The following RBM26 variants were observed in gnomAD, a reference collection of about 807,000 sequenced individuals.
The protein encoded by RBM26 is RNA binding motif protein 26, also known as RNA-binding protein 26.
Under a neutral mutation model 123.6 loss-of-function variants are expected in RBM26, and 30 were observed. The ratio of observed to expected loss-of-function variants is 0.24; its 90% CI spans 0.18 to 0.33. RBM26 has a LOEUF of 0.33. Ranked by LOEUF, RBM26 falls within the 10% of genes least tolerant of loss-of-function variation. RBM26 has a pLI of 1.00. For missense variants in RBM26, 947 were observed against 1,203.6 expected, an observed-to-expected ratio of 0.79 and a Z score of 3.15; for synonymous variants, 400 against 404.4, an observed-to-expected ratio of 0.99 and a Z score of 0.13.
intron 14 of RBM26, among the ~76,000 whole-genome samples, chr13:79,350,665 TTTA>T (rs370038501): frequency 3.2e-4 from 48 of 152,312 alleles, no homozygotes; most frequent in Admixed American, 1.2e-3. Context: ...CATTTGTGTA[TTTA>T]TTTAGTTTAA....
intron 4 of RBM26, among the ~76,000 whole-genome samples, chr13:79,371,582 C>T (rs2075885116): frequency 6.6e-6 from 1 of 151,702 alleles, no homozygotes; most frequent in Non-Finnish European, 1.5e-5. Flanking sequence ...AACACCCACA[C>T]ATTAAGATTC....
chr13:79,358,318 G>C lies in RBM26; in HGVS notation c.1645C>G (p.Leu549Val). 6.2e-7 allele frequency: 1 copy of C among 1,610,392 alleles called. No homozygotes were observed. Among genetic ancestry groups the C allele is most frequent in the Non-Finnish European group, 8.5e-7 (1 of 1,178,756 alleles). Reference protein sequence around the residue: ...VPPELNNISKLNEHFSRFGTL... With the variant: ...VPPELNNISKVNEHFSRFGTL... Reference sequence around the variant, plus strand: ...CCAAATCGACTAAAATGTTCATTAAGTTTGCTGATATTATTTAATTCTGGA... The same window carrying C: ...CCAAATCGACTAAAATGTTCATTAACTTTGCTGATATTATTTAATTCTGGA... The change falls in exon 11 of 22, where the codon CTT becomes GTT. Residue 549 changes from leucine to valine, a missense_variant. Coordinates refer to ENST00000438737, the MANE Select transcript of RBM26 (RefSeq NM_001366735.2).
intron 20 of RBM26, among the ~76,000 whole-genome samples, chr13:79,331,376 T>C (rs756857584): frequency 1.4e-4 from 21 of 151,690 alleles, no homozygotes; most frequent in Non-Finnish European, 1.5e-4. Flanking sequence ...ACCCCAGCAC[T>C]TTGGGATGCT....
At chr13:79,342,534 G>C (rs908551501) in intron 17 of RBM26, 130 bp downstream of exon 17, 2 of 651,362 alleles carry the variant, frequency 3.1e-6, no homozygotes, top group Non-Finnish European at 5.3e-6. Flanking sequence ...TTATGGCAGG[G>C]GGAGAATGGT....
At position 79,358,437 on chromosome 13, in the gene RBM26, C is replaced by A; in HGVS notation, c.1530-4G>T. The A allele has an allele frequency of 6.2e-7, 1 of 1,604,354 alleles. No homozygotes were observed. ...GTTTGTTCTATTAAAATTTGGTCTG[C>A]AAACAAAATTCAAGTTAGTCAATAC... On this transcript the variant is annotated splice_polypyrimidine_tract_variant and splice_region_variant and intron_variant, in intron 10 of 21. Coordinates refer to ENST00000438737, the MANE Select transcript of RBM26 (RefSeq NM_001366735.2).
chr13:79,390,236 T>G (rs939260141), intron 1 of RBM26, among the ~76,000 whole-genome samples: 6 of 152,164 alleles, frequency 3.9e-5, no homozygotes, highest in Admixed American at 3.3e-4. Flanking sequence ...TGTTAACTAC[T>G]GTATATACCA....
chr13:79,396,040 G>A (rs1351368725), intron 1 of RBM26, among the ~76,000 whole-genome samples: 7 of 152,116 alleles, frequency 4.6e-5, no homozygotes, highest in Admixed American at 2.0e-4. Context: ...GCCTATCATC[G>A]TCAAACTGCT....
At position 79,330,696 on chromosome 13, in the gene RBM26, C is replaced by T. The variant is rs150447954; in HGVS notation, c.2820+3648G>A. ...TGTAATGTTATAGAATGTTAAAGCA[C>T]GAGTTATGAACACAAATACATATAA... On this transcript the variant is annotated intron_variant, in intron 20 of 21. Transcript: ENST00000438737. Among the ~76,000 whole-genome samples, 161 of 152,140 alleles carry T rather than the reference C, an allele frequency of 1.1e-3. 2 individuals are homozygous for T. The highest frequency in any genetic ancestry group is 3.3e-3 in the African/African-American group (138 of 41,528).
At chr13:79,334,574 G>A (rs993874522) in intron 19 of RBM26, 144 bp from the exon 20 acceptor site, 4 of 466,744 alleles carry the variant, frequency 8.6e-6, no homozygotes, top group Admixed American at 4.3e-5. Context: ...AAAGTATGGT[G>A]AGTAATTTAT....
Position 79,381,622 on chromosome 13 carries a change from C to T in RBM26, c.72-2715G>A, listed in dbSNP as rs541785947. ...TACCAAATCTATTTCATTTTTGCAC[C>T]ATTATTTTTTAAATAGGACATTTTA... is the stretch of plus-strand genomic sequence containing the variant. On this transcript the variant is annotated intron_variant, in intron 1 of 21. Transcript: ENST00000438737. 3.9e-5 allele frequency among the ~76,000 whole-genome samples: 6 copies of T among 151,954 alleles called. No individual in the cohort carries two copies. In the East Asian group the frequency reaches 1.2e-3, roughly 29 times the overall value.
At chr13:79,342,299 C>T (rs781195462) in intron 17 of RBM26, among the ~76,000 whole-genome samples, 1 of 151,852 alleles carries the variant, frequency 6.6e-6, no homozygotes. Flanking sequence ...TCAGTCAATC[C>T]ACCGTGTACG....
chr13:79,372,666 AATAC>A (rs2076020161), intron 3 of RBM26, among the ~76,000 whole-genome samples: 4 of 146,402 alleles, frequency 2.7e-5, no homozygotes, highest in African/African-American at 1.0e-4. Flanking sequence ...CCAAGTCATA[AATAC>A]ATACACACAC....
At chr13:79,401,399 T>C (rs1393878134) in intron 1 of RBM26, among the ~76,000 whole-genome samples, 1 of 152,170 alleles carries the variant, frequency 6.6e-6, no homozygotes. Flanking sequence ...TCTGTAGTAG[T>C]AAATTAAGAA....
chr13:79,355,934 T>C (rs1026623652), intron 11 of RBM26, among the ~76,000 whole-genome samples: 2 of 152,222 alleles, frequency 1.3e-5, no homozygotes, highest in African/African-American at 4.8e-5. Context: ...AGGAATGTGA[T>C]TCTATAGACA....
At chr13:79,318,489 T>C (rs1243518154), downstream of RBM26, among the ~76,000 whole-genome samples, 1 of 151,102 alleles carries the variant, frequency 6.6e-6, no homozygotes, top group Non-Finnish European at 1.5e-5. Flanking sequence ...CTAAGTAATA[T>C]TTATAATTAA....
rs1436745709 is a variant in RBM26, at chr13:79,402,826, G to C, written c.71+2878C>G. Among the ~76,000 whole-genome samples the C allele has an allele frequency of 2.7e-5, 4 of 149,648 alleles. No homozygotes were observed. The South Asian group carries it at 6.4e-4, about 24-fold the overall frequency. ...CAACACCTATCTTTCCTGCTAAATGGTAAATAAAATGAAGTGAGTCATTTC... is the reference window on the plus strand; with the variant it reads ...CAACACCTATCTTTCCTGCTAAATGCTAAATAAAATGAAGTGAGTCATTTC... On this transcript the variant is annotated intron_variant, in intron 1 of 21. Transcript: ENST00000438737.
intron 6 of RBM26, 122 bp from the exon 7 acceptor site, chr13:79,366,994 T>C (rs1027666022): frequency 9.8e-6 from 8 of 817,814 alleles, no homozygotes; most frequent in Middle Eastern, 3.8e-4. Context: ...AAAAGTATAA[T>C]TAACCATTTC....
chr13:79,392,085 T>C (rs2078081693), intron 1 of RBM26, among the ~76,000 whole-genome samples: 1 of 135,274 alleles, frequency 7.4e-6, no homozygotes, highest in African/African-American at 2.8e-5. Flanking sequence ...TAATACATAA[T>C]TATATAATAA....
chr13:79,346,922 C>A (rs2072427584), intron 14 of RBM26, among the ~76,000 whole-genome samples: 1 of 152,048 alleles, frequency 6.6e-6, no homozygotes, highest in Non-Finnish European at 1.5e-5. Context: ...GAAAAAACTC[C>A]TAATTATTTA....
Sources: gnomAD v4.1 joint callset for allele counts (sites outside exome capture counted in the v4.1 genomes callset) on GRCh38, gnomAD v4.1.1 for gene constraint, MANE v1.5 for transcripts, NCBI Gene and HGNC (gene_info 2026-07-23, HGNC 2026-07-21) for gene names.